The following PDCD1 variants were observed in gnomAD, a reference collection of about 807,000 sequenced individuals.
PDCD1 encodes programmed cell death protein 1.
A neutral mutation model predicts 23.6 loss-of-function variants in PDCD1; 10 were observed. The observed-to-expected ratio is 0.42, with a 90% confidence interval of 0.26 to 0.72. The LOEUF is 0.72. Ranked by LOEUF, PDCD1 falls within the 30% of genes least tolerant of loss-of-function variation. The probability of loss-of-function intolerance (pLI) is 0.24; values close to 1 mark genes in which losing one functional copy is unlikely to be tolerated. For missense variants in PDCD1, 313 were observed against 397.8 expected (o/e 0.79, Z 1.81); for synonymous variants, 168 against 169.3 (o/e 0.99, Z 0.06).
rs747408754 is a variant in PDCD1, at chr2:241,852,279, C to G, written c.511G>C (p.Val171Leu). ...CCCAGCAGGCCGCCCACGACACCAA[C>G]CACCAGGGTTTGGAACTGGCCGGCT... ...RPAGQFQTLV[V>L]GVVGGLLGSL... The change falls in exon 3 of 5, where the codon GTT (valine) becomes CTT (leucine). Residue 171 changes from valine (V) to leucine (L), a missense_variant. Physicochemically the swap from Val to Leu is conservative, Grantham distance 32. Around this residue, in one of 3 missense-constraint regions of PDCD1, gnomAD observed 158 missense variants for 177.5 expected, o/e 0.89. Coordinates refer to ENST00000334409, the MANE Select transcript of PDCD1 (RefSeq NM_005018.3). 3 of 1,612,014 alleles carry G rather than the reference C, an allele frequency of 1.9e-6. No individual in the cohort carries two copies. Among genetic ancestry groups the G allele is most frequent in the Non-Finnish European group, 1.7e-6 (2 of 1,179,700 alleles).
chr2:241,856,519 C>G (rs1701031931), intron 1 of PDCD1, among the ~76,000 whole-genome samples: 1 of 152,178 alleles, frequency 6.6e-6, no homozygotes, highest in Non-Finnish European at 1.5e-5. Flanking sequence ...AAAAGTTTGA[C>G]TTTAAAAATC....
chr2:241,858,622 T>G lies in PDCD1; in HGVS notation c.76+141A>C, dbSNP rs868446898. 1.9e-5 allele frequency: 14 copies of G among 721,052 alleles called. No individual in the cohort carries two copies. In the Middle Eastern group the frequency reaches 1.1e-3, roughly 56 times the overall value. 44.7% of individuals were successfully genotyped at this position (721,052 alleles called of 1,614,324 possible). ...CCTGCCAGGGACTGAGAGTGAAAGG[T>G]CCCTCCAGACCCCTCGCTCCGGGAC... On this transcript the variant is annotated intron_variant, in intron 1 of 4. Transcript: ENST00000334409.
At chr2:241,851,857 C>T in intron 4 of PDCD1, 92 bp downstream of exon 4, 2 of 1,222,606 alleles carry the variant, frequency 1.6e-6, no homozygotes, top group Non-Finnish European at 2.4e-6. Flanking sequence ...AATGTGAGTC[C>T]TGCAGGCCGT....
rs116333397 is a variant in PDCD1, at chr2:241,858,253, G to A, written c.76+510C>T. 5.1e-3 allele frequency among the ~76,000 whole-genome samples: 781 copies of A among 152,352 alleles called. 4 individuals carry two copies. The highest frequency in any genetic ancestry group is 8.5e-3 in the Non-Finnish European group (580 of 68,026). On this transcript the variant is annotated intron_variant, in intron 1 of 4. Transcript: ENST00000334409. The stretch of plus-strand genomic sequence containing the variant: ...ACCAGCTCATCTAAACTTTGACGTC[G>A]TAAAGCCAAGGTTAGTCCCACATGG...
Position 241,851,281 on chromosome 2 carries a change from G to A in PDCD1, c.644C>T (p.Ala215Val), listed in dbSNP as rs2227982. The part of the protein sequence containing the change: ...TGQPLKEDPS[A>V]VPVFSVDYGE... ...ATAGTCCACAGAGAACACAGGCACGGCTGAGGGGTCCTCCTTCTTTGAGGA... is the reference window on the plus strand; with the variant it reads ...ATAGTCCACAGAGAACACAGGCACGACTGAGGGGTCCTCCTTCTTTGAGGA... Residue 215 changes from alanine (A) to valine (V), a missense_variant, in exon 5 of 5, where the codon GCC becomes GTC. This residue lies in a region of PDCD1 where 158 missense variants were observed against 177.5 expected (regional missense o/e 0.89). Transcript: ENST00000334409. The A allele has an allele frequency of 0.039, 62,111 of 1,610,454 alleles. 7,949 individuals are homozygous for A. In the East Asian group the frequency reaches 0.48, roughly 12 times the overall value.
chr2:241,851,252 C>A lies in PDCD1; in HGVS notation c.673G>T (p.Glu225Ter), dbSNP rs1480910547. Reference protein sequence around the residue: ...AVPVFSVDYGELDFQWREKTP... With the variant: ...AVPVFSVDYG ...TTCTCTCGCCACTGGAAATCCAGCT[C>A]CCCATAGTCCACAGAGAACACAGGC... Residue 225 changes from glutamate (E) to a stop codon, truncating the protein, a stop_gained, in exon 5 of 5, where the codon GAG becomes TAG. Transcript: ENST00000334409. LOFTEE classifies it low-confidence loss of function (END_TRUNC). 1 of 1,613,784 alleles carries A rather than the reference C, an allele frequency of 6.2e-7. No individual in the cohort carries two copies. The highest frequency in any genetic ancestry group is 8.5e-7 in the Non-Finnish European group (1 of 1,179,872).
At position 241,850,939 on chromosome 2, in the gene PDCD1, G is replaced by T; in HGVS notation, c.*119C>A. On this transcript the variant is annotated 3_prime_UTR_variant, in exon 5 of 5. Coordinates refer to ENST00000334409, the MANE Select transcript of PDCD1 (RefSeq NM_005018.3). ...AGGCTGGAGCCCCGGTCGCCCCCAG[G>T]CAGCTCAGCCCCTGGACGGCCTGCA... 1 of 1,346,556 alleles carries T rather than the reference G, an allele frequency of 7.4e-7. No individual in the cohort carries two copies. The highest frequency in any genetic ancestry group is 1.0e-6 in the Non-Finnish European group (1 of 998,992). The allele number at this position is 1,346,556 out of a possible 1,614,324, so 83.4% of individuals were successfully genotyped here. A position where few individuals can be genotyped will look rare whatever the true frequency, so the allele number is the denominator to read the frequency against.
At chr2:241,851,885 T>C in intron 4 of PDCD1, 64 bp downstream of exon 4, 1 of 1,509,688 alleles carries the variant, frequency 6.6e-7, no homozygotes, top group Admixed American at 1.7e-5. Context: ...CAGCCTGTCC[T>C]TCCACCTCTG....
rs781123013 is a variant in PDCD1, at chr2:241,852,868, G to C, written c.189C>G (p.Phe63Leu). Residue 63 changes from phenylalanine to leucine, a missense_variant, in exon 2 of 5, where the codon TTC (phenylalanine) becomes TTG (leucine). Coordinates refer to ENST00000334409, the MANE Select transcript of PDCD1 (RefSeq NM_005018.3). ...TCSFSNTSES[F>L]VLNWYRMSPS... is the part of the protein sequence containing the mutation. The stretch of plus-strand genomic sequence containing the variant: ...GGCTCATGCGGTACCAGTTTAGCAC[G>C]AAGCTCTCCGATGTGTTGGAGAAGC... 1 of 1,604,578 alleles carries C rather than the reference G, an allele frequency of 6.2e-7. No homozygotes were observed. Among genetic ancestry groups the C allele is most frequent in the South Asian group, 1.1e-5 (1 of 91,046 alleles).
At position 241,852,346 on chromosome 2, in the gene PDCD1, C is replaced by T. The variant is rs767391065; in HGVS notation, c.444G>A (p.Arg148=). ...TGGGGTGGGCTGTGGGCACTTCTGC[C>T]CTTCTCTCTGGAAGGGCACAAAGGT... ...LRAELRVTER[R]AEVPTAHPSP... is the part of the protein sequence containing the mutation. Residue 148 remains arginine, a synonymous_variant, in exon 3 of 5, where the codon AGG becomes AGA. Coordinates refer to ENST00000334409, the MANE Select transcript of PDCD1 (RefSeq NM_005018.3). The T allele has an allele frequency of 5.7e-6, 9 of 1,587,346 alleles. No homozygotes were observed. The highest frequency in any genetic ancestry group is 2.2e-5 in the South Asian group (2 of 90,218).
At chr2:241,852,562 G>C in intron 2 of PDCD1, 59 bp downstream of exon 2, 1 of 1,573,340 alleles carries the variant, frequency 6.4e-7, no homozygotes, top group East Asian at 2.3e-5. Flanking sequence ...GTGCAGGAGG[G>C]GACACCCACC....
At position 241,850,931 on chromosome 2, in the gene PDCD1, G is replaced by A. The variant is rs1002924714; in HGVS notation, c.*127C>T. 7.3e-6 allele frequency: 9 copies of A among 1,233,396 alleles called. No individual in the cohort carries two copies. Among genetic ancestry groups the A allele is most frequent in the Admixed American group, 2.7e-5 (1 of 36,934 alleles). The allele number at this position is 1,233,396 out of a possible 1,614,324, so 76.4% of individuals were successfully genotyped here. A position where few individuals can be genotyped will look rare whatever the true frequency, so the allele number is the denominator to read the frequency against. On this transcript the variant is annotated 3_prime_UTR_variant, in exon 5 of 5. Transcript: ENST00000334409. ...GCAGGTGCAGGCTGGAGCCCCGGTC[G>A]CCCCCAGGCAGCTCAGCCCCTGGAC...
At chr2:241,858,327 G>C (rs113677917) in intron 1 of PDCD1, among the ~76,000 whole-genome samples, 3 of 152,366 alleles carry the variant, frequency 2.0e-5, no homozygotes, top group African/African-American at 7.2e-5. Flanking sequence ...AGGATGCCTG[G>C]GCAAGGCAGA....
chr2:241,856,321 G>A (rs2124868322), intron 1 of PDCD1, among the ~76,000 whole-genome samples: 1 of 152,264 alleles, frequency 6.6e-6, no homozygotes, highest in African/African-American at 2.4e-5. Context: ...CCAGCCCTCA[G>A]TCGGCGAGAG....
chr2:241,851,109 C>A lies in PDCD1; in HGVS notation c.816G>T (p.Arg272=). The A allele has an allele frequency of 6.2e-7, 1 of 1,613,094 alleles. No individual in the cohort carries two copies. Among genetic ancestry groups the A allele is most frequent in the South Asian group, 1.1e-5 (1 of 91,050 alleles). Residue 272 remains arginine, a synonymous_variant, in exon 5 of 5, where the codon CGG becomes CGT. Transcript: ENST00000334409. ...PARRGSADGP[R]SAQPLRPEDG... Reference sequence around the variant, plus strand: ...CCTCAGGCCTCAGTGGCTGGGCACTCCGAGGGCCGTCAGCTGAGCCCCTGC... The same window carrying A: ...CCTCAGGCCTCAGTGGCTGGGCACTACGAGGGCCGTCAGCTGAGCCCCTGC...
intron 1 of PDCD1, among the ~76,000 whole-genome samples, chr2:241,858,249 C>T (rs1393808921): frequency 2.0e-5 from 3 of 152,246 alleles, no homozygotes; most frequent in African/African-American, 7.2e-5. Context: ...TAAACTTTGA[C>T]GTCGTAAAGC....
intron 1 of PDCD1, among the ~76,000 whole-genome samples, chr2:241,856,209 G>A (rs953078411): frequency 6.6e-6 from 1 of 151,942 alleles, no homozygotes; most frequent in Non-Finnish European, 1.5e-5. Flanking sequence ...AGCCCCCCAC[G>A]GCGGGAGGAC....
Position 241,852,223 on chromosome 2 carries a change from G to A in PDCD1, c.567C>T (p.Ala189=), listed in dbSNP as rs764125429. ...CTCGTGCGGCCCGGGAGCAGATGAC[G>A]GCCAGGACCCAGACTAGCAGCACCA... ...GSLVLLVWVL[A]VICSRAARGT... The change falls in exon 3 of 5, where the codon GCC becomes GCT. Residue 189 remains alanine, a synonymous_variant. Transcript: ENST00000334409. 1.1e-5 allele frequency: 18 copies of A among 1,610,378 alleles called. No individual in the cohort carries two copies. Among genetic ancestry groups the A allele is most frequent in the South Asian group, 2.2e-5 (2 of 90,596 alleles).
At chr2:241,858,358 C>T (rs73014101) in intron 1 of PDCD1, among the ~76,000 whole-genome samples, 18 of 152,360 alleles carry the variant, frequency 1.2e-4, no homozygotes, top group Non-Finnish European at 2.1e-4. Context: ...AGACTCCCCA[C>T]GGCCAAGGTT....
Sources: allele counts gnomAD v4.1 joint callset (sites outside exome capture counted in the v4.1 genomes callset), GRCh38; gene constraint gnomAD v4.1.1; regional missense constraint gnomAD v4.1.1; transcripts MANE v1.5; gene names NCBI Gene and HGNC (gene_info 2026-07-23, HGNC 2026-07-21).